The following RHD variants were observed in gnomAD, a reference collection of about 807,000 sequenced individuals.
RHD encodes blood group Rh(D) polypeptide.
Under a neutral mutation model 45.5 loss-of-function variants are expected in RHD, and 16 were observed. That is an observed-to-expected ratio of 0.35 (90% CI 0.24 to 0.53). RHD has a LOEUF of 0.53. Ranked by LOEUF, RHD falls within the 20% of genes least tolerant of loss-of-function variation. RHD has a pLI of 0.92. For synonymous variants in RHD, 131 were observed against 217.5 expected, an observed-to-expected ratio of 0.60 and a Z score of 3.50; for missense variants, 306 against 532.0, an observed-to-expected ratio of 0.58 and a Z score of 4.18.
chr1:25,288,473 C>T (rs1642232970), intron 2 of RHD, among the ~76,000 whole-genome samples: 1 of 128,070 alleles, frequency 7.8e-6, no homozygotes, highest in Non-Finnish European at 1.8e-5. Flanking sequence ...AGCCACCATT[C>T]CTGGCCTTAA....
At position 25,290,761 on chromosome 1, in the gene RHD, C is replaced by G. The variant is rs747142300; in HGVS notation, c.456C>G (p.Asn152Lys). The G allele has an allele frequency of 2.3e-5, 31 of 1,376,678 alleles. 4 individuals are homozygous for G. The highest frequency in any genetic ancestry group is 1.3e-5 in the Non-Finnish European group (13 of 978,066). The allele number at this position is 1,376,678 out of a possible 1,614,324, so 85.3% of individuals were successfully genotyped here. A position where few individuals can be genotyped will look rare whatever the true frequency, so the allele number is the denominator to read the frequency against. Residue 152 changes from asparagine to lysine, a missense_variant, in exon 3 of 10, where the codon AAC becomes AAG. Physicochemically the swap from Asn to Lys is moderately conservative, Grantham distance 94 (BLOSUM62 0). Coordinates refer to ENST00000328664, the MANE Select transcript of RHD (RefSeq NM_016124.6). ...MVLVEVTALG[N>K]LRMVISNIFN... ...TGGTGGAGGTGACAGCTTTAGGCAA[C>G]CTGAGGATGGTCATCAGTAATATCT...
At chr1:25,320,189 C>G (rs1372848098) in intron 8 of RHD, among the ~76,000 whole-genome samples, 1 of 131,868 alleles carries the variant, frequency 7.6e-6, no homozygotes, top group African/African-American at 2.6e-5. Context: ...TAAGCCACTG[C>G]GACCGGCCGA....
At chr1:25,293,078 G>T (rs56818965) in intron 3 of RHD, among the ~76,000 whole-genome samples, 2 of 131,488 alleles carry the variant, frequency 1.5e-5, no homozygotes, top group African/African-American at 5.3e-5. Flanking sequence ...ATGCATGGTT[G>T]TAGAGGAGGA....
intron 6 of RHD, chr1:25,304,599 A>C (rs1233751202): frequency 8.0e-6 from 1 of 125,078 alleles, no homozygotes; most frequent in East Asian, 2.0e-4. Flanking sequence ...CTCTGTCTTA[A>C]AAAAAAAAAA....
intron 3 of RHD, among the ~76,000 whole-genome samples, chr1:25,291,486 AAAAAG>A (rs1440645566): frequency 3.8e-5 from 5 of 131,126 alleles, no homozygotes; most frequent in South Asian, 2.3e-4. Flanking sequence ...AAAATAAAGA[AAAAAG>A]AAAAGAAAAG....
chr1:25,288,055 T>C (rs1347435550), intron 2 of RHD, among the ~76,000 whole-genome samples: 1 of 133,074 alleles, frequency 7.5e-6, no homozygotes, highest in African/African-American at 2.6e-5. Context: ...TCTCACTCTG[T>C]TGTCCAGGCT....
rs1226587413 is a variant in RHD at position 25,319,875 on chromosome 1, A to T, written c.1154-2014A>T. On this transcript the variant is annotated intron_variant, in intron 8 of 9. Transcript: ENST00000328664. ...GCAGAAGTTAGAAGTGAAAGCAAAGAGCCTAACAGAGGAAGAGAAATTCTT... is the reference window on the plus strand; with the variant it reads ...GCAGAAGTTAGAAGTGAAAGCAAAGTGCCTAACAGAGGAAGAGAAATTCTT... Among the ~76,000 whole-genome samples the T allele has an allele frequency of 1.5e-5, 2 of 131,620 alleles. 1 individual carries two copies. The highest frequency in any genetic ancestry group is 3.6e-5 in the Non-Finnish European group (2 of 55,588). The allele number at this position is 131,620 out of a possible 152,430, so 86.3% of individuals were successfully genotyped here.
At chr1:25,308,525 A>G (rs1643968358) in intron 7 of RHD, among the ~76,000 whole-genome samples, 1 of 132,220 alleles carries the variant, frequency 7.6e-6, no homozygotes, top group African/African-American at 2.6e-5. Flanking sequence ...GCTTTCCAAG[A>G]AAATAAAGCC....
Position 25,305,283 on chromosome 1 carries a change from G to T in RHD, c.940-1313G>T, listed in dbSNP as rs184912925. Among the ~76,000 whole-genome samples, 337 of 132,468 alleles carry T rather than the reference G, an allele frequency of 2.5e-3. 59 individuals carry two copies. Among genetic ancestry groups the T allele is most frequent in the African/African-American group, 8.3e-3 (319 of 38,528 alleles). The allele number at this position is 132,468 out of a possible 152,430, so 86.9% of individuals were successfully genotyped here. ...CAACCAGGAAACAGACATTCTAAAG[G>T]CATAGGGTCCACCCAGGAGCATGGT... On this transcript the variant is annotated intron_variant, in intron 6 of 9. Transcript: ENST00000328664.
At position 25,292,090 on chromosome 1, in the gene RHD, A is replaced by G. The variant is rs112048084; in HGVS notation, c.486+1299A>G. 3.0e-3 allele frequency among the ~76,000 whole-genome samples: 392 copies of G among 132,424 alleles called. 47 individuals carry two copies. Among genetic ancestry groups the G allele is most frequent in the African/African-American group, 8.6e-3 (334 of 38,910 alleles). 86.9% of individuals were successfully genotyped at this position (132,424 alleles called of 152,430 possible). The stretch of plus-strand genomic sequence containing the variant: ...AACCTCTTAGAGCTTTAGTTTCTTC[A>G]TCTGTAATATGAGGGTAGCAGTACT... On this transcript the variant is annotated intron_variant, in intron 3 of 9. Transcript: ENST00000328664.
Position 25,276,072 on chromosome 1 carries a change from C to T in RHD, c.148+3377C>T, listed in dbSNP as rs1369940323. ...GGTAAACTATAATAGATTATTCAAACCTGCCAATTCTAAAAAGACATTTTG... is the reference window on the plus strand; with the variant it reads ...GGTAAACTATAATAGATTATTCAAATCTGCCAATTCTAAAAAGACATTTTG... On this transcript the variant is annotated intron_variant, in intron 1 of 9. Transcript: ENST00000328664. 2.3e-5 allele frequency among the ~76,000 whole-genome samples: 3 copies of T among 131,750 alleles called. No individual in the cohort carries two copies. The East Asian group carries it at 5.8e-4, about 26-fold the overall frequency. 86.4% of individuals were successfully genotyped at this position (131,750 alleles called of 152,430 possible).
intron 1 of RHD, among the ~76,000 whole-genome samples, chr1:25,281,656 C>G (rs183032509): frequency 7.6e-6 from 1 of 131,080 alleles, no homozygotes; most frequent in East Asian, 2.0e-4. Context: ...TGGCCACACA[C>G]CCCCATTCCT....
chr1:25,321,698 T>TAAAATAAAATAAAATAAAATAA (rs1644718192), intron 8 of RHD, among the ~76,000 whole-genome samples, 191 bp from the exon 9 acceptor site: 1 of 127,430 alleles, frequency 7.8e-6, no homozygotes, highest in Non-Finnish European at 1.8e-5. Flanking sequence ...TAAAATAAAA[T>TAAAATAAAATAAAATAAAATAA]AAAATAAAAT....
Position 25,318,922 on chromosome 1 carries a change from G to A in RHD, c.1153+1843G>A, listed in dbSNP as rs1479526591. On this transcript the variant is annotated intron_variant, in intron 8 of 9. Transcript: ENST00000328664. ...GGCTAGAATTGCTTTAATATACCATGTCTGGCCTTAGCTTTTTGCAGAGTC... is the reference window on the plus strand; with the variant it reads ...GGCTAGAATTGCTTTAATATACCATATCTGGCCTTAGCTTTTTGCAGAGTC... 3.8e-5 allele frequency among the ~76,000 whole-genome samples: 5 copies of A among 133,004 alleles called. 1 individual carries two copies. Among genetic ancestry groups the A allele is most frequent in the Non-Finnish European group, 7.1e-5 (4 of 56,078 alleles). 87.3% of individuals were successfully genotyped at this position (133,004 alleles called of 152,430 possible). A position where few individuals can be genotyped will look rare whatever the true frequency, so the allele number is the denominator to read the frequency against.
intron 2 of RHD, among the ~76,000 whole-genome samples, chr1:25,285,475 A>G (rs569479694): frequency 1.5e-5 from 2 of 134,896 alleles, no homozygotes; most frequent in Non-Finnish European, 3.5e-5. Flanking sequence ...TCAGCCCCCT[A>G]ATGCTGCTAG....
At chr1:25,293,623 A>C (rs1426046399) in intron 3 of RHD, among the ~76,000 whole-genome samples, 1 of 131,342 alleles carries the variant, frequency 7.6e-6, no homozygotes. Flanking sequence ...AGGATTTAGA[A>C]ATTTATAATA....
rs1156803274 is a variant in RHD, at chr1:25,310,837, G to GACTC, written c.1073+4108_1073+4109insACTC. On this transcript the variant is annotated intron_variant, in intron 7 of 9. Transcript: ENST00000328664. ...AAATACAAAAAATTAGCTGGGCGTG[G>GACTC]TGGCGCACACCTGTAATCTCAGCTA... is the stretch of plus-strand genomic sequence containing the variant. 1.4e-4 allele frequency among the ~76,000 whole-genome samples: 18 copies of GACTC among 130,942 alleles called. 1 individual carries two copies. Among genetic ancestry groups the GACTC allele is most frequent in the East Asian group, 7.8e-4 (4 of 5,096 alleles). 85.9% of individuals were successfully genotyped at this position (130,942 alleles called of 152,430 possible).
At position 25,322,001 on chromosome 1, in the gene RHD, G is replaced by A. The variant is rs1213876009; in HGVS notation, c.1227+39G>A. ...CCTATTAACGTGATAGATTTTGAGT[G>A]CATGAACTTAAAAACATACCTGAGT... On this transcript the variant is annotated intron_variant, in intron 9 of 9. Coordinates refer to ENST00000328664, the MANE Select transcript of RHD (RefSeq NM_016124.6). 5 of 1,022,038 alleles carry A rather than the reference G, an allele frequency of 4.9e-6. No individual in the cohort carries two copies. In the Admixed American group the frequency reaches 7.3e-5, roughly 15 times the overall value. 63.3% of individuals were successfully genotyped at this position (1,022,038 alleles called of 1,614,324 possible). A position where few individuals can be genotyped will look rare whatever the true frequency, so the allele number is the denominator to read the frequency against.
chr1:25,286,513 G>T (rs532499389), intron 2 of RHD, among the ~76,000 whole-genome samples: 1 of 134,948 alleles, frequency 7.4e-6, no homozygotes, highest in Non-Finnish European at 1.8e-5. Context: ...GGGGCCGGGC[G>T]CAGTGGTTCA....
Sources: gnomAD v4.1 joint callset for allele counts (sites outside exome capture counted in the v4.1 genomes callset) on GRCh38, gnomAD v4.1.1 for gene constraint, MANE v1.5 for transcripts, NCBI Gene and HGNC (gene_info 2026-07-23, HGNC 2026-07-21) for gene names.